Variants in KLHL4 observed in about 807,000 individuals in gnomAD.
The protein encoded by KLHL4 is kelch like family member 4, also known as kelch-like protein 4.
In KLHL4, 17 loss-of-function variants were observed where a neutral mutation model predicts 45.8. The ratio of observed to expected loss-of-function variants is 0.37; its 90% CI spans 0.25 to 0.56. The LOEUF (loss-of-function observed/expected upper bound fraction) is 0.56, where lower values mean the gene tolerates loss of function less well. Ranked by LOEUF, KLHL4 falls within the 20% of genes least tolerant of loss-of-function variation. The probability of loss-of-function intolerance (pLI) is 0.79; values close to 1 mark genes in which losing one functional copy is unlikely to be tolerated. For synonymous variants in KLHL4, 224 were observed against 189.9 expected (o/e 1.18, Z -1.47); for missense variants, 544 against 544.9 (o/e 1.00, Z 0.02).
At chrX:87,593,991 T>A (rs930363420) in intron 1 of KLHL4, among the ~76,000 whole-genome samples, 1 of 112,121 alleles carries the variant, frequency 8.9e-6, no homozygotes, top group Admixed American at 9.5e-5. Flanking sequence ...ACCTGTTCAA[T>A]GATTATGGAA....
intron 4 of KLHL4, among the ~76,000 whole-genome samples, chrX:87,620,603 C>T (rs76514872): frequency 0.19 from 20,712 of 111,176 alleles, 1,434 homozygotes; most frequent in Non-Finnish European, 0.21. Context: ...TATACAATAT[C>T]GGTACTATAT....
At chrX:87,587,150 C>CAAAAAAAAAAAA (rs1197848253) in intron 1 of KLHL4, among the ~76,000 whole-genome samples, 2 of 47,812 alleles carry the variant, frequency 4.2e-5, no homozygotes, top group Non-Finnish European at 7.4e-5. Flanking sequence ...TAAAATAAAG[C>CAAAAAAAAAAAA]AAAAAAAAAA....
At chrX:87,632,136 T>G in intron 6 of KLHL4, 74 bp from the exon 7 acceptor site, 1 of 615,499 alleles carries the variant, frequency 1.6e-6, no homozygotes, top group Non-Finnish European at 2.6e-6. Flanking sequence ...GGGTACATAA[T>G]TATAATGTGA....
intron 1 of KLHL4, among the ~76,000 whole-genome samples, chrX:87,562,139 T>C (rs779801366): frequency 9.2e-6 from 1 of 109,101 alleles, no homozygotes; most frequent in South Asian, 4.0e-4. Flanking sequence ...AAAGGGACTT[T>C]TGCTTTCACC....
chrX:87,637,276 G>A (rs1171734885), intron 9 of KLHL4, among the ~76,000 whole-genome samples: 20 of 111,682 alleles, frequency 1.8e-4, no homozygotes, highest in Non-Finnish European at 1.5e-4. Flanking sequence ...ATCCCTAGGG[G>A]AAAGGGGAGA....
intron 9 of KLHL4, among the ~76,000 whole-genome samples, chrX:87,663,315 G>C (rs1924260418): frequency 8.9e-6 from 1 of 111,881 alleles, no homozygotes. Context: ...AAACAAGAAA[G>C]AGAAGTAATG....
chrX:87,555,280 T>C (rs1412171937), intron 1 of KLHL4, among the ~76,000 whole-genome samples: 1 of 109,523 alleles, frequency 9.1e-6, no homozygotes, highest in East Asian at 2.9e-4. Context: ...TTGGAATAGT[T>C]TCAGAAGGAA....
intron 1 of KLHL4, among the ~76,000 whole-genome samples, chrX:87,548,839 A>C (rs1257149716): frequency 1.0e-5 from 1 of 95,403 alleles, no homozygotes; most frequent in Non-Finnish European, 2.1e-5. Flanking sequence ...GAAGAGAAGA[A>C]AGAATGAAAA....
chrX:87,551,229 G>T (rs936445799), intron 1 of KLHL4, among the ~76,000 whole-genome samples: 1 of 108,699 alleles, frequency 9.2e-6, no homozygotes, highest in Non-Finnish European at 1.9e-5. Flanking sequence ...ACCAAGCAGA[G>T]AATCAAATCA....
intron 9 of KLHL4, among the ~76,000 whole-genome samples, chrX:87,644,280 T>C (rs1456191403): frequency 9.0e-6 from 1 of 111,070 alleles, no homozygotes; most frequent in Non-Finnish European, 1.9e-5. Flanking sequence ...GAATCAAATC[T>C]AGAACTCAAC....
intron 1 of KLHL4, among the ~76,000 whole-genome samples, chrX:87,565,243 T>C (rs1244959139): frequency 1.0e-5 from 1 of 96,972 alleles, no homozygotes; most frequent in Non-Finnish European, 2.0e-5. Flanking sequence ...TTTTTATAGC[T>C]TAAGGTAATG....
At chrX:87,522,282 C>T (rs761237030) in intron 1 of KLHL4, among the ~76,000 whole-genome samples, 33 of 111,334 alleles carry the variant, frequency 3.0e-4, no homozygotes, top group Admixed American at 6.7e-4. Context: ...TGGAGAAGCA[C>T]GCTCAACAGA....
intron 6 of KLHL4, among the ~76,000 whole-genome samples, chrX:87,627,902 C>T (rs1173778062): frequency 1.8e-5 from 2 of 109,837 alleles, no homozygotes; most frequent in African/African-American, 6.6e-5. Context: ...ATTATTGTTA[C>T]CATAAAGGAA....
intron 1 of KLHL4, among the ~76,000 whole-genome samples, chrX:87,532,975 A>G (rs1931333285): frequency 9.2e-6 from 1 of 108,117 alleles, no homozygotes; most frequent in Non-Finnish European, 1.9e-5. Flanking sequence ...ACTGGCCATC[A>G]GAGAAATGCA....
intron 1 of KLHL4, among the ~76,000 whole-genome samples, chrX:87,604,751 TA>T (rs1287132601): frequency 9.0e-6 from 1 of 111,484 alleles, no homozygotes; most frequent in African/African-American, 3.2e-5. Flanking sequence ...TCCTTTGCTA[TA>T]AAAAAACTTT....
At chrX:87,616,744 T>C (rs771463509) in intron 3 of KLHL4, among the ~76,000 whole-genome samples, 2 of 111,848 alleles carry the variant, frequency 1.8e-5, no homozygotes, top group Non-Finnish European at 3.8e-5. Context: ...CAGATGAATA[T>C]TTATATCTGA....
chrX:87,614,089 A>G, intron 2 of KLHL4, 45 bp downstream of exon 2: 2 of 944,869 alleles, frequency 2.1e-6, no homozygotes, highest in Non-Finnish European at 1.5e-6. Context: ...TAGGGCAATT[A>G]TAAATAAGAG....
At chrX:87,606,049 G>A (rs1286616979) in intron 1 of KLHL4, among the ~76,000 whole-genome samples, 2 of 111,235 alleles carry the variant, frequency 1.8e-5, no homozygotes, top group Non-Finnish European at 3.8e-5. Context: ...TGCATATGGT[G>A]AACTCTCCTT....
At chrX:87,576,975 T>A (rs1450866578) in intron 1 of KLHL4, among the ~76,000 whole-genome samples, 1 of 112,028 alleles carries the variant, frequency 8.9e-6, no homozygotes, top group East Asian at 2.8e-4. Context: ...GAAAGAATAA[T>A]AGCTGGCCTT....
Sources: allele counts gnomAD v4.1 joint callset (sites outside exome capture counted in the v4.1 genomes callset), GRCh38; gene constraint gnomAD v4.1.1; transcripts MANE v1.5; gene names NCBI Gene and HGNC (gene_info 2026-07-23, HGNC 2026-07-21).